The following OTUD3 variants were observed in gnomAD, a reference collection of about 807,000 sequenced individuals.
OTUD3 encodes OTU domain-containing protein 3.
A neutral mutation model predicts 46.2 loss-of-function variants in OTUD3; 24 were observed. The observed-to-expected ratio is 0.52, with a 90% confidence interval of 0.38 to 0.73. OTUD3 has a LOEUF of 0.73. OTUD3 is among the 30% of genes least tolerant of loss of function. OTUD3 has a pLI of 0.00. For synonymous variants in OTUD3, 189 were observed against 195.4 expected (o/e 0.97, Z 0.27); for missense variants, 455 against 523.3 (o/e 0.87, Z 1.27).
rs1295098232 is a variant in OTUD3 at position 19,903,571 on chromosome 1, C to G, written c.607-696C>G. 8.5e-5 allele frequency among the ~76,000 whole-genome samples: 13 copies of G among 152,302 alleles called. No homozygotes were observed. The East Asian group carries it at 2.3e-3, about 27-fold the overall frequency. ...ACTGTCTTTGCCCATTTACCTATCT[C>G]CCTGCATCAATGGGAAGCAGAAGAA... is the stretch of plus-strand genomic sequence containing the variant. On this transcript the variant is annotated intron_variant, in intron 4 of 7. Coordinates refer to ENST00000375120, the MANE Select transcript of OTUD3 (RefSeq NM_015207.2).
intron 2 of OTUD3, among the ~76,000 whole-genome samples, chr1:19,891,743 T>A (rs61769072): frequency 0.052 from 7,908 of 152,198 alleles, 240 homozygotes; most frequent in Middle Eastern, 0.085. Context: ...CCAAAGTGTT[T>A]CCCATTCCTT....
intron 1 of OTUD3, among the ~76,000 whole-genome samples, chr1:19,888,736 T>C (rs542610676): frequency 6.6e-6 from 1 of 152,290 alleles, no homozygotes; most frequent in South Asian, 2.1e-4. Flanking sequence ...GTTTAATACA[T>C]ATAAAGTGTT....
chr1:19,894,399 T>C lies in OTUD3; in HGVS notation c.402T>C (p.Ala134=), dbSNP rs756122812. ...VASLAKPGTF[A]GNDAIVAFAR... Reference sequence around the variant, plus strand: ...GTTTGGCAAAGCCTGGTACTTTTGCTGGCAATGATGCAATTGTAGCCTTTG... The same window carrying C: ...GTTTGGCAAAGCCTGGTACTTTTGCCGGCAATGATGCAATTGTAGCCTTTG... The change falls in exon 3 of 8, where the codon GCT becomes GCC. Residue 134 remains alanine, a synonymous_variant. Coordinates refer to ENST00000375120, the MANE Select transcript of OTUD3 (RefSeq NM_015207.2). 7.5e-6 allele frequency: 12 copies of C among 1,609,698 alleles called. No individual in the cohort carries two copies. Among genetic ancestry groups the C allele is most frequent in the Non-Finnish European group, 9.3e-6 (11 of 1,177,746 alleles).
At chr1:19,900,985 G>C (rs1047179926) in intron 4 of OTUD3, among the ~76,000 whole-genome samples, 17 of 149,338 alleles carry the variant, frequency 1.1e-4, no homozygotes, top group African/African-American at 4.2e-4. Context: ...GAGTGCAGTG[G>C]TGCAACCTCT....
At chr1:19,894,007 A>G (rs780842496) in intron 2 of OTUD3, among the ~76,000 whole-genome samples, 3 of 152,244 alleles carry the variant, frequency 2.0e-5, no homozygotes, top group Non-Finnish European at 2.9e-5. Flanking sequence ...CTTGTCTATG[A>G]GATGTGATTA....
intron 7 of OTUD3, 42 bp downstream of exon 7, chr1:19,906,658 T>C (rs1299603211): frequency 6.7e-7 from 1 of 1,499,176 alleles, no homozygotes; most frequent in Admixed American, 2.0e-5. Flanking sequence ...TGGGCAGGTG[T>C]AATTCTGTGG....
At chr1:19,895,458 A>G (rs1437752546) in intron 3 of OTUD3, among the ~76,000 whole-genome samples, 1 of 152,192 alleles carries the variant, frequency 6.6e-6, no homozygotes, top group East Asian at 1.9e-4. Flanking sequence ...CCCAATACCC[A>G]GCCTCTTGTA....
In OTUD3 at chr1:19,912,480, A is replaced by AC. The variant is rs1337113149; in HGVS notation, c.*4737dup. ...AAAAGGGCCAGGAGTCAGACGTCACACCCGGGGGCTCCCCTTTCCCATGTA... is the reference window on the plus strand; with the variant it reads ...AAAAGGGCCAGGAGTCAGACGTCACACCCCGGGGGCTCCCCTTTCCCATGTA... On this transcript the variant is annotated 3_prime_UTR_variant, in exon 8 of 8. Transcript: ENST00000375120. The AC allele has an allele frequency of 2.0e-5, 3 of 153,042 alleles. No homozygotes were observed. The highest frequency in any genetic ancestry group is 4.4e-5 in the Non-Finnish European group (3 of 68,120). The allele number at this position is 153,042 out of a possible 1,614,324, so 9.5% of individuals were successfully genotyped here.
chr1:19,890,539 T>G lies in OTUD3; in HGVS notation c.370+6T>G, dbSNP rs774909101. 3 of 1,613,470 alleles carry G rather than the reference T, an allele frequency of 1.9e-6. No individual in the cohort carries two copies. The highest frequency in any genetic ancestry group is 2.5e-6 in the Non-Finnish European group (3 of 1,179,422). The stretch of plus-strand genomic sequence containing the variant: ...CATTCCTTTTGAGAAGCATGGTAGG[T>G]TCACTGTGGGACATTGTGTCCTTCA... On this transcript the variant is annotated splice_donor_region_variant and intron_variant, in intron 2 of 7. Coordinates refer to ENST00000375120, the MANE Select transcript of OTUD3 (RefSeq NM_015207.2).
rs1167971129 is a variant in OTUD3, at chr1:19,904,377, T to C, written c.717T>C (p.Val239=). The C allele has an allele frequency of 8.1e-6, 13 of 1,612,404 alleles. No individual in the cohort carries two copies. The highest frequency in any genetic ancestry group is 1.1e-5 in the Non-Finnish European group (13 of 1,179,472). The change falls in exon 5 of 8, where the codon GTT becomes GTC. Residue 239 remains valine, a synonymous_variant. Transcript: ENST00000375120. Reference sequence around the variant, plus strand: ...AAGTAGAGGATGCTGTCCAGAAAGTTTGTAATGCAACTGGATGTTCAGTTA... The same window carrying C: ...AAGTAGAGGATGCTGTCCAGAAAGTCTGTAATGCAACTGGATGTTCAGTTA... ...RDEVEDAVQK[V]CNATGCSDFN... is the part of the protein sequence containing the mutation.
At position 19,912,728 on chromosome 1, in the gene OTUD3, C is replaced by T. The variant is rs1216340266; in HGVS notation, c.*4982C>T. 2 of 152,358 alleles carry T rather than the reference C, an allele frequency of 1.3e-5. No homozygotes were observed. Among genetic ancestry groups the T allele is most frequent in the Admixed American group, 1.3e-4 (2 of 15,294 alleles). The allele number at this position is 152,358 out of a possible 1,614,324, so 9.4% of individuals were successfully genotyped here. ...GTCTGATGTCCATAGTTCCTTCCCC[C>T]TAGATTGTTTCTTTCCACGGATTGT... is the stretch of plus-strand genomic sequence containing the variant. On this transcript the variant is annotated 3_prime_UTR_variant, in exon 8 of 8. Coordinates refer to ENST00000375120, the MANE Select transcript of OTUD3 (RefSeq NM_015207.2).
At chr1:19,883,845 C>G (rs2045315337) in intron 1 of OTUD3, among the ~76,000 whole-genome samples, 1 of 152,202 alleles carries the variant, frequency 6.6e-6, no homozygotes, top group Non-Finnish European at 1.5e-5. Flanking sequence ...TACATTGCAG[C>G]TTATTGATTA....
chr1:19,900,700 C>G (rs1321441525), intron 4 of OTUD3, among the ~76,000 whole-genome samples: 1 of 152,028 alleles, frequency 6.6e-6, no homozygotes, highest in African/African-American at 2.4e-5. Flanking sequence ...TGGGTCTATT[C>G]CTAGACATTT....
intron 4 of OTUD3, among the ~76,000 whole-genome samples, chr1:19,900,645 T>G (rs2045574092): frequency 6.6e-6 from 1 of 152,196 alleles, no homozygotes; most frequent in Admixed American, 6.5e-5. Flanking sequence ...CTCCACTGAT[T>G]TAAAATGCCA....
At chr1:19,885,148 G>A (rs1486465058) in intron 1 of OTUD3, among the ~76,000 whole-genome samples, 1 of 152,194 alleles carries the variant, frequency 6.6e-6, no homozygotes, top group Admixed American at 6.5e-5. Context: ...GTAGTGTAGG[G>A]CACAAGGGTA....
intron 1 of OTUD3, among the ~76,000 whole-genome samples, chr1:19,885,785 C>T (rs2045350855): frequency 6.6e-6 from 1 of 152,170 alleles, no homozygotes; most frequent in African/African-American, 2.4e-5. Context: ...TTATTAAGGA[C>T]TCAGGTGAAA....
intron 4 of OTUD3, 61 bp from the exon 5 acceptor site, chr1:19,904,204 TAA>T: frequency 7.3e-7 from 1 of 1,362,254 alleles, no homozygotes; most frequent in South Asian, 1.4e-5. Context: ...TGTCTTGTGT[TAA>T]AGATTCTGAA....
chr1:19,905,120 C>G (rs2045640711), intron 6 of OTUD3, 133 bp downstream of exon 6: 3 of 602,670 alleles, frequency 5.0e-6, no homozygotes, highest in East Asian at 5.6e-5. Context: ...TGAGCACGTT[C>G]TGTACGTAGA....
At chr1:19,900,199 CTTTA>C (rs906222180) in intron 4 of OTUD3, among the ~76,000 whole-genome samples, 1 of 151,962 alleles carries the variant, frequency 6.6e-6, no homozygotes, top group African/African-American at 2.4e-5. Context: ...CATAGTTTCA[CTTTA>C]TTTATTTATT....
Sources: gnomAD v4.1 joint callset for allele counts (sites outside exome capture counted in the v4.1 genomes callset) on GRCh38, gnomAD v4.1.1 for gene constraint, MANE v1.5 for transcripts, NCBI Gene and HGNC (gene_info 2026-07-23, HGNC 2026-07-21) for gene names.